The following SPATA6 variants were observed in gnomAD, a reference collection of about 807,000 sequenced individuals.
The protein encoded by SPATA6 is spermatogenesis associated 6, also known as spermatogenesis-associated protein 6.
SPATA6 carries 56 observed loss-of-function variants against 65.3 expected under a neutral mutation model. The ratio of observed to expected loss-of-function variants is 0.86; its 90% confidence interval spans 0.69 to 1.07. The LOEUF (loss-of-function observed/expected upper bound fraction) is 1.07, where lower values mean the gene tolerates loss of function less well. Among genes scored for constraint, SPATA6 ranks in the 50% least tolerant of loss-of-function variants. SPATA6 has a pLI of 0.00. For missense variants in SPATA6, 590 were observed against 594.8 expected, an observed-to-expected ratio of 0.99 and a Z score of 0.08; for synonymous variants, 199 against 213.2, an observed-to-expected ratio of 0.93 and a Z score of 0.58.
chr1:48,338,515 G>A (rs1244037994), intron 11 of SPATA6, among the ~76,000 whole-genome samples: 1 of 152,060 alleles, frequency 6.6e-6, no homozygotes, highest in Non-Finnish European at 1.5e-5. Context: ...CCAAAACGTT[G>A]ATTGCTGAGA....
At chr1:48,303,779 A>G (rs1644995165) in intron 12 of SPATA6, among the ~76,000 whole-genome samples, 1 of 152,172 alleles carries the variant, frequency 6.6e-6, no homozygotes, top group Admixed American at 6.6e-5. Flanking sequence ...TAGTATAACC[A>G]GTAGATTTTC....
chr1:48,461,807 C>T (rs1182437200), intron 1 of SPATA6, among the ~76,000 whole-genome samples: 1 of 152,126 alleles, frequency 6.6e-6, no homozygotes, highest in African/African-American at 2.4e-5. Context: ...GGATCTAGAA[C>T]TAGAAATACC....
intron 9 of SPATA6, among the ~76,000 whole-genome samples, chr1:48,371,362 A>G (rs920862289): frequency 6.6e-6 from 1 of 152,196 alleles, no homozygotes. Flanking sequence ...TTGCTAAATG[A>G]TAGCTAACAA....
At chr1:48,422,540 C>G (rs1448367322) in intron 3 of SPATA6, among the ~76,000 whole-genome samples, 2 of 152,122 alleles carry the variant, frequency 1.3e-5, no homozygotes, top group African/African-American at 4.8e-5. Flanking sequence ...AGGATTAACT[C>G]AAAAGAACCT....
At chr1:48,433,022 G>GT (rs1291480806) in intron 3 of SPATA6, among the ~76,000 whole-genome samples, 3 of 152,090 alleles carry the variant, frequency 2.0e-5, no homozygotes, top group Non-Finnish European at 4.4e-5. Flanking sequence ...AAATAAGCCA[G>GT]TTTTTTAAAA....
At chr1:48,395,142 G>A (rs2297819) in intron 8 of SPATA6, 125 bp downstream of exon 8, 10,982 of 580,890 alleles carry the variant, frequency 0.019, 556 homozygotes, top group East Asian at 0.18. Flanking sequence ...GTTGTAAAAA[G>A]CTACATTATA....
At chr1:48,442,490 G>A (rs907286590) in intron 3 of SPATA6, among the ~76,000 whole-genome samples, 3 of 151,776 alleles carry the variant, frequency 2.0e-5, no homozygotes, top group Non-Finnish European at 4.4e-5. Context: ...CAGCATAAGC[G>A]GCTGGCAGAG....
intron 1 of SPATA6, among the ~76,000 whole-genome samples, chr1:48,468,041 TAATCCAGC>T: frequency 6.6e-6 from 1 of 152,334 alleles, no homozygotes; most frequent in Admixed American, 6.5e-5. Context: ...AACTACCATA[TAATCCAGC>T]AATCTCACTT....
the SPATA6 span, among the ~76,000 whole-genome samples, chr1:48,283,697 A>AAAAGAAAGAAAGAAAGAAAG: frequency 0.027 from 326 of 11,998 alleles, 23 homozygotes; most frequent in East Asian, 0.048. Flanking sequence ...AAAAAAAAAA[A>AAAAGAAAGAAAGAAAGAAAG]AAAGAAAGAA....
intron 9 of SPATA6, among the ~76,000 whole-genome samples, chr1:48,367,894 T>A (rs180699461): frequency 6.6e-6 from 1 of 152,234 alleles, no homozygotes. Context: ...CCAGCCTTCA[T>A]GATCTTTATA....
chr1:48,354,949 A>C (rs1472923900), intron 11 of SPATA6, among the ~76,000 whole-genome samples: 1 of 152,148 alleles, frequency 6.6e-6, no homozygotes, highest in Non-Finnish European at 1.5e-5. Flanking sequence ...TTTTAAAAAC[A>C]GCATGTATAT....
chr1:48,273,574 G>A, the SPATA6 span, among the ~76,000 whole-genome samples: 24 of 152,230 alleles, frequency 1.6e-4, no homozygotes, highest in African/African-American at 4.8e-4. Context: ...TCCCACATAT[G>A]AGTGAGAACA....
intron 11 of SPATA6, among the ~76,000 whole-genome samples, chr1:48,311,622 T>C (rs1042128270): frequency 2.0e-5 from 3 of 152,164 alleles, no homozygotes; most frequent in Non-Finnish European, 4.4e-5. Flanking sequence ...ACACCTCCAG[T>C]CTACAGCTCC....
chr1:48,407,602 C>T (rs759156739), intron 5 of SPATA6, among the ~76,000 whole-genome samples: 34 of 152,186 alleles, frequency 2.2e-4, no homozygotes, highest in Non-Finnish European at 1.5e-5. Context: ...AATATAAGAG[C>T]ATCCCAGGCA....
chr1:48,360,312 T>C (rs1646775413), intron 9 of SPATA6, among the ~76,000 whole-genome samples: 1 of 151,840 alleles, frequency 6.6e-6, no homozygotes, highest in African/African-American at 2.4e-5. Context: ...GATAAAGAAC[T>C]AGAATAGAGT....
chr1:48,269,997 G>T, the SPATA6 span, among the ~76,000 whole-genome samples: 1 of 151,960 alleles, frequency 6.6e-6, no homozygotes, highest in South Asian at 2.1e-4. Flanking sequence ...CAAAGACACT[G>T]TCTTTCATTA....
chr1:48,436,901 T>C (rs1195508849), intron 3 of SPATA6: 3 of 1,613,576 alleles, frequency 1.9e-6, no homozygotes, highest in Non-Finnish European at 2.5e-6. Flanking sequence ...GACTCTGGAA[T>C]TGGAGAAAGT....
rs141535476 is a variant in SPATA6 at position 48,403,811 on chromosome 1, G to C, written c.477C>G (p.Cys159Trp). The change falls in exon 6 of 13, where the codon TGC (cysteine) becomes TGG (tryptophan). Residue 159 changes from cysteine (C) to tryptophan (W), a missense_variant. By Grantham distance (215) the Cys-to-Trp change is radical. Transcript: ENST00000371847. Reference sequence around the variant, plus strand: ...TACAAATAATTTTAACCTGAGTGTGGCATTTCCTTGAACTTATCAGACATT... The same window carrying C: ...TACAAATAATTTTAACCTGAGTGTGCCATTTCCTTGAACTTATCAGACATT... Reference protein sequence around the residue: ...ITECLISSRKCHTQDKFIYHL... With the variant: ...ITECLISSRKWHTQDKFIYHL... 1 of 1,603,138 alleles carries C rather than the reference G, an allele frequency of 6.2e-7. No homozygotes were observed. The highest frequency in any genetic ancestry group is 8.5e-7 in the Non-Finnish European group (1 of 1,175,204).
At position 48,369,827 on chromosome 1, in the gene SPATA6, G is replaced by A. The variant is rs542724085; in HGVS notation, c.910-10057C>T. Among the ~76,000 whole-genome samples the A allele has an allele frequency of 5.9e-5, 9 of 152,270 alleles. No homozygotes were observed. The South Asian group carries it at 8.3e-4, about 14-fold the overall frequency. On this transcript the variant is annotated intron_variant, in intron 9 of 12. Coordinates refer to ENST00000371847, the MANE Select transcript of SPATA6 (RefSeq NM_019073.4). ...TGGCACTCTCTAGTGAGATGAACCC[G>A]GTACCTCAGATGGAAATGCAGAAAT... is the stretch of plus-strand genomic sequence containing the variant.
Sources: gnomAD v4.1 joint callset for allele counts (sites outside exome capture counted in the v4.1 genomes callset) on GRCh38, gnomAD v4.1.1 for gene constraint, MANE v1.5 for transcripts, NCBI Gene and HGNC (gene_info 2026-07-23, HGNC 2026-07-21) for gene names.